Variants in SBF2 observed in about 807,000 individuals in gnomAD.
SBF2 encodes myotubularin-related protein 13.
SBF2 carries 112 observed loss-of-function variants against 225.2 expected under a neutral mutation model. The observed-to-expected ratio is 0.50, with a 90% CI of 0.43 to 0.58. The LOEUF is 0.58. Ranked by LOEUF, SBF2 falls within the 20% of genes least tolerant of loss-of-function variation. The pLI is 0.00. For missense variants in SBF2, 1,996 were observed against 2,206.2 expected (o/e 0.90, Z 1.91); for synonymous variants, 763 against 773.3 (o/e 0.99, Z 0.22).
chr11:10,142,394 G>A (rs1034341243), intron 2 of SBF2, among the ~76,000 whole-genome samples: 1 of 152,118 alleles, frequency 6.6e-6, no homozygotes, highest in Non-Finnish European at 1.5e-5. Flanking sequence ...TTTAAAAATT[G>A]GGATCATTGT....
chr11:9,981,516 ATTTCT>A (rs1295464672), intron 13 of SBF2, among the ~76,000 whole-genome samples: 1 of 152,210 alleles, frequency 6.6e-6, no homozygotes, highest in East Asian at 1.9e-4. Context: ...TTGATTTATA[ATTTCT>A]TTTATTTTTT....
At chr11:9,808,585 A>T (rs755855309) in intron 31 of SBF2, 21 of 407,676 alleles carry the variant, frequency 5.2e-5, no homozygotes, top group Non-Finnish European at 8.2e-5. Flanking sequence ...GCTTATAGAG[A>T]GCCAGGGGAT....
At chr11:9,821,163 G>T (rs990305038) in intron 28 of SBF2, among the ~76,000 whole-genome samples, 1 of 152,154 alleles carries the variant, frequency 6.6e-6, no homozygotes, top group African/African-American at 2.4e-5. Context: ...TGGTTTACAT[G>T]TGCTTGTGAG....
At chr11:10,178,013 G>A (rs1392726063) in intron 2 of SBF2, among the ~76,000 whole-genome samples, 1 of 147,388 alleles carries the variant, frequency 6.8e-6, no homozygotes, top group Non-Finnish European at 1.5e-5. Context: ...CAATGGAACA[G>A]AACAGAGCCC....
chr11:10,178,409 C>T lies in SBF2; in HGVS notation c.141+15493G>A, dbSNP rs567952533. On this transcript the variant is annotated intron_variant, in intron 2 of 39. Coordinates refer to ENST00000256190, the MANE Select transcript of SBF2 (RefSeq NM_030962.4). ...ACTACCATCAGAGTGAACAGGCAACCTACAAAATGGGAGAAAATTTTCACA... is the reference window on the plus strand; with the variant it reads ...ACTACCATCAGAGTGAACAGGCAACTTACAAAATGGGAGAAAATTTTCACA... Among the ~76,000 whole-genome samples the T allele has an allele frequency of 1.3e-3, 178 of 141,354 alleles. 2 individuals carry two copies. The highest frequency in any genetic ancestry group is 4.5e-3 in the African/African-American group (170 of 37,480). The allele number at this position is 141,354 out of a possible 152,430, so 92.7% of individuals were successfully genotyped here.
chr11:9,789,685 CT>C (rs1161095983), intron 34 of SBF2, among the ~76,000 whole-genome samples: 8 of 152,142 alleles, frequency 5.3e-5, no homozygotes. Context: ...CCACCCACCC[CT>C]ATCTTACATT....
intron 2 of SBF2, among the ~76,000 whole-genome samples, chr11:10,105,982 A>G (rs550978260): frequency 1.3e-5 from 2 of 152,300 alleles, no homozygotes; most frequent in African/African-American, 4.8e-5. Flanking sequence ...GTGACTTCAT[A>G]GGTGTTTAGA....
At chr11:9,787,547 G>A in intron 36 of SBF2, 87 bp downstream of exon 36, 1 of 1,129,656 alleles carries the variant, frequency 8.9e-7, no homozygotes, top group Non-Finnish European at 1.3e-6. Context: ...ACCCAGCTGG[G>A]TCTTGTCACC....
At chr11:9,995,110 G>A (rs1295452249) in intron 9 of SBF2, among the ~76,000 whole-genome samples, 3 of 152,074 alleles carry the variant, frequency 2.0e-5, no homozygotes, top group East Asian at 3.9e-4. Context: ...CTAGACAGGT[G>A]AAAGTATAAA....
chr11:9,994,235 G>A (rs1156694719), intron 9 of SBF2, among the ~76,000 whole-genome samples: 6 of 152,110 alleles, frequency 3.9e-5, no homozygotes, highest in African/African-American at 1.4e-4. Context: ...AGCACTTTGG[G>A]AGGCTGAGGC....
chr11:10,141,761 C>T (rs1418437872), intron 2 of SBF2, among the ~76,000 whole-genome samples: 6 of 152,092 alleles, frequency 3.9e-5, no homozygotes, highest in Non-Finnish European at 7.4e-5. Context: ...TCCAGTTCTC[C>T]AACAAGACTC....
At chr11:10,263,683 T>G (rs1961665026) in intron 1 of SBF2, among the ~76,000 whole-genome samples, 1 of 152,172 alleles carries the variant, frequency 6.6e-6, no homozygotes, top group Non-Finnish European at 1.5e-5. Context: ...TTGGCTACAT[T>G]AGAGAATACT....
intron 16 of SBF2, among the ~76,000 whole-genome samples, chr11:9,907,264 G>A (rs556091771): frequency 1.3e-4 from 20 of 151,930 alleles, no homozygotes; most frequent in Non-Finnish European, 1.8e-4. Flanking sequence ...TTCTCGGTAC[G>A]GATCCACCTC....
At chr11:9,920,533 A>G (rs1359154936) in intron 16 of SBF2, among the ~76,000 whole-genome samples, 2 of 152,182 alleles carry the variant, frequency 1.3e-5, no homozygotes, top group African/African-American at 4.8e-5. Flanking sequence ...ACTTAAAGGA[A>G]TTTTATAATT....
intron 1 of SBF2, among the ~76,000 whole-genome samples, chr11:10,219,753 T>C (rs1958273946): frequency 6.6e-6 from 1 of 152,200 alleles, no homozygotes. Context: ...TGCCAGTCTC[T>C]TTGCATAGCA....
chr11:10,276,060 G>A (rs1304626752), intron 1 of SBF2, among the ~76,000 whole-genome samples: 1 of 151,540 alleles, frequency 6.6e-6, no homozygotes, highest in African/African-American at 2.4e-5. Context: ...TGGTCAATTT[G>A]CATAGTTTTT....
chr11:10,241,072 C>T (rs1959205323), intron 1 of SBF2, among the ~76,000 whole-genome samples: 1 of 151,996 alleles, frequency 6.6e-6, no homozygotes, highest in Non-Finnish European at 1.5e-5. Flanking sequence ...AGAAAGTGGC[C>T]AGGAGCGGTA....
At chr11:10,162,640 C>T (rs1239289308) in intron 2 of SBF2, among the ~76,000 whole-genome samples, 1 of 152,094 alleles carries the variant, frequency 6.6e-6, no homozygotes, top group East Asian at 1.9e-4. Flanking sequence ...ATTATCAGAA[C>T]CAAATTACCA....
In SBF2 at chr11:10,141,334, G is replaced by C. The variant is rs1292764396; in HGVS notation, c.141+52568C>G. ...TAGCTAAAGAAACATCAAATTTAAAGAAGGAGTCATTAGATAATTTTTCCA... is the reference window on the plus strand; with the variant it reads ...TAGCTAAAGAAACATCAAATTTAAACAAGGAGTCATTAGATAATTTTTCCA... On this transcript the variant is annotated intron_variant, in intron 2 of 39. Transcript: ENST00000256190. Among the ~76,000 whole-genome samples, 3 of 152,156 alleles carry C rather than the reference G, an allele frequency of 2.0e-5. No individual in the cohort carries two copies. The East Asian group carries it at 5.8e-4, about 29-fold the overall frequency.
Sources: gnomAD v4.1 joint callset for allele counts (sites outside exome capture counted in the v4.1 genomes callset) on GRCh38, gnomAD v4.1.1 for gene constraint, MANE v1.5 for transcripts, NCBI Gene and HGNC (gene_info 2026-07-23, HGNC 2026-07-21) for gene names.